SLC16A1: variants seen among roughly 807,000 people sequenced by gnomAD.
The protein encoded by SLC16A1 is monocarboxylate transporter 1.
SLC16A1 carries 11 observed loss-of-function variants against 32.2 expected under a neutral mutation model. The ratio of observed to expected loss-of-function variants is 0.34; its 90% confidence interval spans 0.21 to 0.56. The LOEUF is 0.56. SLC16A1 is among the 20% of genes least tolerant of loss of function. SLC16A1 has a pLI of 0.87. For synonymous variants in SLC16A1, 231 were observed against 226.8 expected, an observed-to-expected ratio of 1.02 and a Z score of -0.17; for missense variants, 435 against 615.0, an observed-to-expected ratio of 0.71 and a Z score of 3.10.
intron 4 of SLC16A1, among the ~76,000 whole-genome samples, chr1:112,916,385 C>T (rs1648507735): frequency 1.3e-5 from 2 of 149,688 alleles, no homozygotes; most frequent in African/African-American, 4.9e-5. Context: ...GTAATCACAG[C>T]TACTTGGGAG....
At chr1:112,944,800 C>G (rs1649634634) in intron 1 of SLC16A1, among the ~76,000 whole-genome samples, 1 of 152,108 alleles carries the variant, frequency 6.6e-6, no homozygotes, top group Non-Finnish European at 1.5e-5. Context: ...TCAAGCCATT[C>G]TCATACCTAA....
intron 1 of SLC16A1, among the ~76,000 whole-genome samples, chr1:112,948,353 G>C (rs1270084988): frequency 6.6e-6 from 1 of 152,210 alleles, no homozygotes; most frequent in Non-Finnish European, 1.5e-5. Flanking sequence ...ATGTATCAAA[G>C]TCAGCATTCT....
chr1:112,934,503 G>C lies in SLC16A1; in HGVS notation c.-44-5151C>G, dbSNP rs1342727467. On this transcript the variant is annotated intron_variant, in intron 1 of 4. Coordinates refer to ENST00000369626, the MANE Select transcript of SLC16A1 (RefSeq NM_003051.4). The stretch of plus-strand genomic sequence containing the variant: ...GTTACTCATCAAAGTATACATTCAA[G>C]TTAGTAAATTTTATTATGTCAATTA... Among the ~76,000 whole-genome samples, 6 of 152,292 alleles carry C rather than the reference G, an allele frequency of 3.9e-5. No individual in the cohort carries two copies. In the East Asian group the frequency reaches 1.2e-3, roughly 29 times the overall value.
chr1:112,953,618 T>C (rs1337239373), intron 1 of SLC16A1, among the ~76,000 whole-genome samples: 1 of 152,246 alleles, frequency 6.6e-6, no homozygotes, highest in East Asian at 1.9e-4. Context: ...TGTCTATCTC[T>C]TCAACTTCTA....
chr1:112,951,307 G>A (rs983937452), intron 1 of SLC16A1, among the ~76,000 whole-genome samples: 2 of 152,096 alleles, frequency 1.3e-5, no homozygotes, highest in African/African-American at 4.8e-5. Context: ...TAGGGCAGGG[G>A]GGCCTACTAG....
intron 1 of SLC16A1, among the ~76,000 whole-genome samples, chr1:112,942,467 C>A (rs1649541743): frequency 6.6e-6 from 1 of 152,164 alleles, no homozygotes; most frequent in African/African-American, 2.4e-5. Flanking sequence ...ATTTAACTAC[C>A]AAATAACATG....
intron 1 of SLC16A1, among the ~76,000 whole-genome samples, chr1:112,943,006 C>T (rs994626513): frequency 4.6e-5 from 7 of 151,932 alleles, no homozygotes; most frequent in Admixed American, 6.6e-5. Context: ...TCTCAGCCAA[C>T]GTTATGTTAA....
chr1:112,918,662 G>A (rs1239731226), intron 3 of SLC16A1, among the ~76,000 whole-genome samples: 1 of 152,096 alleles, frequency 6.6e-6, no homozygotes, highest in East Asian at 1.9e-4. Context: ...AATTAGTCAG[G>A]TATGGTAGTG....
chr1:112,955,942 T>C (rs1467369353), intron 1 of SLC16A1, 93 bp downstream of exon 1: 1 of 152,102 alleles, frequency 6.6e-6, no homozygotes, highest in East Asian at 1.9e-4. Flanking sequence ...GGAGACAAAG[T>C]CTCCCAACCC....
intron 1 of SLC16A1, among the ~76,000 whole-genome samples, chr1:112,929,948 G>A (rs1411798448): frequency 1.3e-5 from 2 of 152,294 alleles, no homozygotes; most frequent in African/African-American, 2.4e-5. Context: ...ATTCCACGGG[G>A]GAAGAGGCTC....
At chr1:112,915,209 A>G (rs1648459217) in intron 4 of SLC16A1, among the ~76,000 whole-genome samples, 1 of 152,200 alleles carries the variant, frequency 6.6e-6, no homozygotes, top group African/African-American at 2.4e-5. Flanking sequence ...AACTACACAA[A>G]CTGTGACAAG....
intron 1 of SLC16A1, among the ~76,000 whole-genome samples, chr1:112,931,309 G>A (rs1173140825): frequency 6.6e-6 from 1 of 152,010 alleles, no homozygotes; most frequent in Admixed American, 6.6e-5. Flanking sequence ...ACAACAGCTA[G>A]CCAATACAGT....
At chr1:112,924,380 T>C in intron 2 of SLC16A1, 1 of 1,191,284 alleles carries the variant, frequency 8.4e-7, no homozygotes, top group Non-Finnish European at 1.3e-6. Flanking sequence ...GGCTCTTCTG[T>C]AACCTCTTTT....
intron 1 of SLC16A1, among the ~76,000 whole-genome samples, chr1:112,945,759 G>A (rs191784538): frequency 1.1e-3 from 165 of 151,382 alleles, no homozygotes; most frequent in Middle Eastern, 3.4e-3. Context: ...TTGAGAGGCC[G>A]AGGCAGACAG....
chr1:112,931,519 G>A (rs574985288), intron 1 of SLC16A1, among the ~76,000 whole-genome samples: 54 of 151,536 alleles, frequency 3.6e-4, no homozygotes, highest in African/African-American at 1.3e-3. Flanking sequence ...GGTGGCATGC[G>A]ACTGTAGTCC....
intron 1 of SLC16A1, among the ~76,000 whole-genome samples, chr1:112,950,156 T>C (rs867477145): frequency 7.2e-5 from 11 of 152,206 alleles, no homozygotes; most frequent in Middle Eastern, 6.8e-3. Flanking sequence ...ATAATATTTT[T>C]CCCCCAAACA....
intron 1 of SLC16A1, among the ~76,000 whole-genome samples, chr1:112,953,063 C>T (rs1201186402): frequency 6.6e-6 from 1 of 152,158 alleles, no homozygotes; most frequent in Non-Finnish European, 1.5e-5. Context: ...CTCCAACAGC[C>T]TCCTTTCAGC....
At chr1:112,944,448 C>A (rs1245810948) in intron 1 of SLC16A1, among the ~76,000 whole-genome samples, 2 of 152,112 alleles carry the variant, frequency 1.3e-5, no homozygotes, top group African/African-American at 2.4e-5. Context: ...TCTCAAAAAA[C>A]GAAAAACAAA....
chr1:112,914,111 A>C lies in SLC16A1; in HGVS notation c.1283T>G (p.Val428Gly), dbSNP rs749690222. Residue 428 changes from valine to glycine, a missense_variant, in exon 5 of 5, where the codon GTC becomes GGC. Around this residue, in one of 2 missense-constraint regions of SLC16A1, gnomAD observed 111 missense variants for 114.7 expected, o/e 0.97. Coordinates refer to ENST00000369626, the MANE Select transcript of SLC16A1 (RefSeq NM_003051.4). ...ATAGATACCTGAAATAATTAGGACG[A>C]CGCCACATGCCCAGTATGTGTATTT... ...DYKYTYWACG[V>G]VLIISGIYLF... 1.9e-6 allele frequency: 3 copies of C among 1,614,074 alleles called. No homozygotes were observed. The highest frequency in any genetic ancestry group is 1.3e-5 in the African/African-American group (1 of 74,936).
Sources: allele counts gnomAD v4.1 joint callset (sites outside exome capture counted in the v4.1 genomes callset), GRCh38; gene constraint gnomAD v4.1.1; regional missense constraint gnomAD v4.1.1; transcripts MANE v1.5; gene names NCBI Gene and HGNC (gene_info 2026-07-23, HGNC 2026-07-21).